Variants in DLG2 observed in about 807,000 individuals in gnomAD.
DLG2 encodes the protein disks large homolog 2.
In DLG2, 45 loss-of-function variants were observed where a neutral mutation model predicts 132.5. The ratio of observed to expected loss-of-function variants is 0.34; its 90% CI spans 0.27 to 0.44. The LOEUF (loss-of-function observed/expected upper bound fraction) is 0.44, where lower values mean the gene tolerates loss of function less well. Among genes scored for constraint, DLG2 ranks in the 20% least tolerant of loss-of-function variants. The pLI is 1.00. For synonymous variants in DLG2, 424 were observed against 419.6 expected (o/e 1.01, Z -0.13); for missense variants, 1,045 against 1,196.9 (o/e 0.87, Z 1.87).
intron 8 of DLG2, among the ~76,000 whole-genome samples, chr11:84,240,931 C>T (rs958266451): frequency 3.3e-5 from 5 of 152,094 alleles, no homozygotes; most frequent in South Asian, 2.1e-4. Flanking sequence ...AGTCCAAAGC[C>T]GATACCAAGC....
rs191456829 is a variant in DLG2, at chr11:84,309,951, G to A, written c.520-58660C>T. On this transcript the variant is annotated intron_variant, in intron 7 of 27. Transcript: ENST00000376104. ...TACACAGCAAGTATCTTATTCTGGT[G>A]TTAAGTGCTGTGGGAATCAACTCCA... Among the ~76,000 whole-genome samples, 23 of 152,308 alleles carry A rather than the reference G, an allele frequency of 1.5e-4. No homozygotes were observed. The East Asian group carries it at 4.2e-3, about 28-fold the overall frequency.
intron 11 of DLG2, among the ~76,000 whole-genome samples, chr11:84,006,788 A>T (rs2094593025): frequency 6.6e-6 from 1 of 151,518 alleles, no homozygotes; most frequent in Non-Finnish European, 1.5e-5. Context: ...GTAATCACTC[A>T]TTAAAAACTC....
At chr11:83,833,546 G>A in intron 17 of DLG2, 68 bp downstream of exon 17, 1 of 1,468,104 alleles carries the variant, frequency 6.8e-7, no homozygotes, top group East Asian at 2.3e-5. Flanking sequence ...TATCATAATT[G>A]AAAGTTATGA....
At chr11:85,167,355 TTACAAAC>T (rs1337324876) in intron 4 of DLG2, among the ~76,000 whole-genome samples, 1 of 152,210 alleles carries the variant, frequency 6.6e-6, no homozygotes, top group East Asian at 1.9e-4. Context: ...AAAAGAAATG[TTACAAAC>T]TACAGAGGTA....
At chr11:85,448,648 T>C (rs2092111320) in intron 3 of DLG2, among the ~76,000 whole-genome samples, 1 of 152,142 alleles carries the variant, frequency 6.6e-6, no homozygotes, top group Non-Finnish European at 1.5e-5. Flanking sequence ...TATCCCACTC[T>C]TGTCTGGAGA....
At chr11:85,208,797 C>T (rs1369439430) in intron 4 of DLG2, among the ~76,000 whole-genome samples, 1 of 152,076 alleles carries the variant, frequency 6.6e-6, no homozygotes, top group Non-Finnish European at 1.5e-5. Flanking sequence ...ACCACAAAAT[C>T]AGCACACTCC....
intron 6 of DLG2, among the ~76,000 whole-genome samples, chr11:85,109,175 T>C: frequency 6.6e-6 from 1 of 152,120 alleles, no homozygotes. Flanking sequence ...CCCACCTCTG[T>C]GGACTGGGGG....
In DLG2 at chr11:84,319,555, GCATC is replaced by G. The variant is rs1224060839; in HGVS notation, c.520-68268_520-68265del. Among the ~76,000 whole-genome samples the G allele has an allele frequency of 2.6e-5, 4 of 152,260 alleles. No individual in the cohort carries two copies. The East Asian group carries it at 7.7e-4, about 29-fold the overall frequency. ...AATCTACATAGACATAAGTCAGTGT[GCATC>G]CATCACAACTTTGTAATGGTGTGTG... is the stretch of plus-strand genomic sequence containing the variant. On this transcript the variant is annotated intron_variant, in intron 7 of 27. Transcript: ENST00000376104.
chr11:85,047,066 C>T (rs2062417209), intron 6 of DLG2, among the ~76,000 whole-genome samples: 1 of 151,888 alleles, frequency 6.6e-6, no homozygotes, highest in South Asian at 2.1e-4. Context: ...CTCTTAGTGG[C>T]ACAAATGTAG....
At chr11:85,157,893 G>A (rs1056983224) in intron 4 of DLG2, among the ~76,000 whole-genome samples, 4 of 152,132 alleles carry the variant, frequency 2.6e-5, no homozygotes, top group Admixed American at 2.6e-4. Flanking sequence ...ATTCCCAGTA[G>A]TGGCAACATC....
At chr11:83,628,613 G>T (rs2063027350) in intron 19 of DLG2, among the ~76,000 whole-genome samples, 1 of 152,134 alleles carries the variant, frequency 6.6e-6, no homozygotes, top group Non-Finnish European at 1.5e-5. Flanking sequence ...TAGAATAATG[G>T]TTGACCCATA....
At chr11:85,414,985 T>A (rs2152986176) in intron 3 of DLG2, among the ~76,000 whole-genome samples, 1 of 152,222 alleles carries the variant, frequency 6.6e-6, no homozygotes, top group East Asian at 1.9e-4. Flanking sequence ...ACATGAGGTA[T>A]TTCTCTTAAT....
At chr11:85,230,725 G>C (rs982211774) in intron 4 of DLG2, among the ~76,000 whole-genome samples, 1 of 151,914 alleles carries the variant, frequency 6.6e-6, no homozygotes, top group South Asian at 2.1e-4. Context: ...CTATGGTTTG[G>C]ATGTTTATTC....
intron 19 of DLG2, among the ~76,000 whole-genome samples, chr11:83,569,481 A>C (rs1052612473): frequency 2.0e-5 from 3 of 152,116 alleles, no homozygotes; most frequent in Admixed American, 6.6e-5. Flanking sequence ...TCTCTTCAAC[A>C]TTTTAATCCT....
At chr11:84,165,571 G>C (rs2154264291) in intron 8 of DLG2, among the ~76,000 whole-genome samples, 1 of 152,232 alleles carries the variant, frequency 6.6e-6, no homozygotes, top group South Asian at 2.1e-4. Context: ...CATCAGGAGA[G>C]ATGATGCCAT....
intron 19 of DLG2, among the ~76,000 whole-genome samples, chr11:83,617,922 G>T (rs1209656890): frequency 6.6e-6 from 1 of 152,126 alleles, no homozygotes; most frequent in African/African-American, 2.4e-5. Context: ...ACTTGACTAG[G>T]GGAGGCAGAG....
At chr11:85,028,017 A>G (rs2154143382) in intron 6 of DLG2, among the ~76,000 whole-genome samples, 1 of 152,316 alleles carries the variant, frequency 6.6e-6, no homozygotes, top group South Asian at 2.1e-4. Flanking sequence ...GAGGGTGACC[A>G]AGGCGGAGAG....
At chr11:84,626,676 C>G (rs2099622971) in intron 6 of DLG2, among the ~76,000 whole-genome samples, 1 of 152,058 alleles carries the variant, frequency 6.6e-6, no homozygotes, top group African/African-American at 2.4e-5. Context: ...TAGGGAAACA[C>G]AAAGTTAGCT....
At chr11:83,931,016 T>G (rs2080094950) in intron 14 of DLG2, among the ~76,000 whole-genome samples, 1 of 152,208 alleles carries the variant, frequency 6.6e-6, no homozygotes, top group African/African-American at 2.4e-5. Flanking sequence ...AGATAAACTG[T>G]GTTGTTCAAG....
Sources: allele counts gnomAD v4.1 joint callset (sites outside exome capture counted in the v4.1 genomes callset), GRCh38; gene constraint gnomAD v4.1.1; transcripts MANE v1.5; gene names NCBI Gene and HGNC (gene_info 2026-07-23, HGNC 2026-07-21).